ZFPM2: variants seen among roughly 807,000 people sequenced by gnomAD.
ZFPM2 encodes the protein zinc finger protein, FOG family member 2.
ZFPM2 carries 20 observed loss-of-function variants against 98.6 expected under a neutral mutation model. The ratio of observed to expected loss-of-function variants is 0.20; its 90% CI spans 0.14 to 0.29. ZFPM2 has a LOEUF of 0.29. ZFPM2 is among the 10% of genes least tolerant of loss of function. ZFPM2 has a pLI of 1.00. For synonymous variants in ZFPM2, 518 were observed against 502.7 expected (o/e 1.03, Z -0.41); for missense variants, 1,310 against 1,388.6 (o/e 0.94, Z 0.90).
intron 1 of ZFPM2, among the ~76,000 whole-genome samples, chr8:105,407,670 C>T (rs1424950072): frequency 6.6e-6 from 1 of 151,838 alleles, no homozygotes; most frequent in Non-Finnish European, 1.5e-5. Context: ...TAAGAGAGGG[C>T]TATTGGTTGA....
At chr8:105,440,518 G>A (rs1586373546) in intron 2 of ZFPM2, among the ~76,000 whole-genome samples, 1 of 152,264 alleles carries the variant, frequency 6.6e-6, no homozygotes. Flanking sequence ...AGTCCATCAG[G>A]AAACTGATGA....
intron 5 of ZFPM2, among the ~76,000 whole-genome samples, chr8:105,747,506 G>C (rs1451213636): frequency 6.6e-6 from 1 of 152,040 alleles, no homozygotes; most frequent in African/African-American, 2.4e-5. Context: ...GTACACAGAA[G>C]ATAAGAATTT....
At chr8:105,707,020 T>A (rs575468508) in intron 5 of ZFPM2, among the ~76,000 whole-genome samples, 1 of 152,208 alleles carries the variant, frequency 6.6e-6, no homozygotes, top group Admixed American at 6.5e-5. Flanking sequence ...GTGGGAGGAT[T>A]GCTTGAGCTT....
At chr8:105,369,929 G>T (rs1810586351) in intron 1 of ZFPM2, among the ~76,000 whole-genome samples, 2 of 152,082 alleles carry the variant, frequency 1.3e-5, no homozygotes, top group Admixed American at 6.6e-5. Flanking sequence ...ATGTATCTAT[G>T]TGTTTGTGAT....
chr8:105,343,340 T>C lies in ZFPM2; in HGVS notation c.40+24359T>C, dbSNP rs980556170. Among the ~76,000 whole-genome samples the C allele has an allele frequency of 2.0e-4, 31 of 152,058 alleles. 1 individual carries two copies. Among genetic ancestry groups the C allele is most frequent in the Non-Finnish European group, 2.5e-4 (17 of 68,008 alleles). On this transcript the variant is annotated intron_variant, in intron 1 of 7. Coordinates refer to ENST00000407775, the MANE Select transcript of ZFPM2 (RefSeq NM_012082.4). ...CTGGCCAGTCACATCTTGGGTATTG[T>C]GTTCAATGTCATATCCTCCTTAAAA... is the stretch of plus-strand genomic sequence containing the variant.
intron 5 of ZFPM2, among the ~76,000 whole-genome samples, chr8:105,727,369 A>C (rs956566537): frequency 3.3e-5 from 5 of 151,648 alleles, no homozygotes; most frequent in Non-Finnish European, 5.9e-5. Flanking sequence ...TAAATAAATA[A>C]ATACATAAAT....
At chr8:105,677,163 T>C (rs1414740563) in intron 5 of ZFPM2, among the ~76,000 whole-genome samples, 1 of 152,098 alleles carries the variant, frequency 6.6e-6, no homozygotes, top group African/African-American at 2.4e-5. Flanking sequence ...TGACATAATA[T>C]GTTAGAATAT....
At chr8:105,780,299 C>T (rs1279730359) in intron 5 of ZFPM2, 3 of 152,060 alleles carry the variant, frequency 2.0e-5, no homozygotes, top group Non-Finnish European at 4.4e-5. Context: ...GATTTCATGC[C>T]CATGCAAGAG....
At chr8:105,680,823 C>G (rs1001934259) in intron 5 of ZFPM2, among the ~76,000 whole-genome samples, 1 of 151,964 alleles carries the variant, frequency 6.6e-6, no homozygotes, top group Non-Finnish European at 1.5e-5. Flanking sequence ...CATATAATTA[C>G]TATATTCTTA....
At chr8:105,374,584 CTA>C (rs1810685695) in intron 1 of ZFPM2, among the ~76,000 whole-genome samples, 2 of 152,158 alleles carry the variant, frequency 1.3e-5, no homozygotes, top group South Asian at 4.1e-4. Context: ...TGGGATCTCC[CTA>C]TGTTGCCCAG....
chr8:105,500,039 T>C (rs1178759167), intron 3 of ZFPM2, among the ~76,000 whole-genome samples: 1 of 152,258 alleles, frequency 6.6e-6, no homozygotes, highest in South Asian at 2.1e-4. Context: ...TCTCCGTTAT[T>C]GCAGAGAAGA....
chr8:105,518,150 A>T (rs1463902747), intron 3 of ZFPM2, among the ~76,000 whole-genome samples: 1 of 152,174 alleles, frequency 6.6e-6, no homozygotes, highest in Admixed American at 6.5e-5. Context: ...ATTAGGAAAA[A>T]TAAATGCCAT....
intron 1 of ZFPM2, among the ~76,000 whole-genome samples, chr8:105,402,587 A>G (rs1298146145): frequency 6.6e-6 from 1 of 151,542 alleles, no homozygotes; most frequent in African/African-American, 2.4e-5. Context: ...TTAATCTAAT[A>G]TGTGTTTACT....
chr8:105,700,284 T>C (rs1399728136), intron 5 of ZFPM2, among the ~76,000 whole-genome samples: 2 of 152,214 alleles, frequency 1.3e-5, no homozygotes, highest in Admixed American at 1.3e-4. Flanking sequence ...TTAGCCTGAA[T>C]TGATTTTAGT....
intron 3 of ZFPM2, among the ~76,000 whole-genome samples, chr8:105,509,327 C>T (rs1006014967): frequency 6.6e-6 from 1 of 152,050 alleles, no homozygotes; most frequent in Non-Finnish European, 1.5e-5. Context: ...TGGAAGGGAT[C>T]CCTTCCCTCT....
chr8:105,425,193 GA>G (rs1482979725), intron 2 of ZFPM2, among the ~76,000 whole-genome samples: 1 of 151,944 alleles, frequency 6.6e-6, no homozygotes, highest in Non-Finnish European at 1.5e-5. Flanking sequence ...TTCAGGAACA[GA>G]ATTGTGGAAA....
At chr8:105,458,657 T>G (rs1053482218) in intron 3 of ZFPM2, among the ~76,000 whole-genome samples, 1 of 152,200 alleles carries the variant, frequency 6.6e-6, no homozygotes, top group Non-Finnish European at 1.5e-5. Context: ...TCAGTATGTA[T>G]TTTTAATAAG....
chr8:105,613,623 A>T (rs1285817720), intron 4 of ZFPM2, among the ~76,000 whole-genome samples: 3 of 152,130 alleles, frequency 2.0e-5, no homozygotes, highest in Non-Finnish European at 4.4e-5. Context: ...TCTGAAAATC[A>T]CCTTAGCATC....
At chr8:105,355,221 A>T (rs559686968) in intron 1 of ZFPM2, among the ~76,000 whole-genome samples, 141 of 152,250 alleles carry the variant, frequency 9.3e-4, no homozygotes, top group African/African-American at 3.3e-3. Flanking sequence ...ATCGCTAAGG[A>T]TGTTTGAAGT....
Sources: allele counts gnomAD v4.1 joint callset (sites outside exome capture counted in the v4.1 genomes callset), GRCh38; gene constraint gnomAD v4.1.1; transcripts MANE v1.5; gene names NCBI Gene and HGNC (gene_info 2026-07-23, HGNC 2026-07-21).